The following FGF12 variants were observed in gnomAD, a reference collection of about 807,000 sequenced individuals.
FGF12 encodes the protein fibroblast growth factor 12B.
In FGF12, 14 loss-of-function variants were observed where a neutral mutation model predicts 23.6. That is an observed-to-expected ratio of 0.59 (90% confidence interval 0.39 to 0.93). FGF12 has a LOEUF of 0.93. Ranked by LOEUF, FGF12 falls within the 40% of genes least tolerant of loss-of-function variation. The probability of loss-of-function intolerance (pLI) is 0.00; values close to 1 mark genes in which losing one functional copy is unlikely to be tolerated. For synonymous variants in FGF12, 62 were observed against 77.3 expected (o/e 0.80, Z 1.04); for missense variants, 175 against 217.8 (o/e 0.80, Z 1.24).
At chr3:192,468,548 C>T (rs73070215) in intron 2 of FGF12, among the ~76,000 whole-genome samples, 11,277 of 152,172 alleles carry the variant, frequency 0.074, 1,389 homozygotes, top group African/African-American at 0.25. Context: ...GGAGGCTACG[C>T]ATTTTTTTGA....
intron 2 of FGF12, among the ~76,000 whole-genome samples, chr3:192,579,373 A>G (rs1271399043): frequency 6.6e-6 from 1 of 152,114 alleles, no homozygotes; most frequent in South Asian, 2.1e-4. Flanking sequence ...TGTGCAGACA[A>G]CTCATTCTCA....
intron 4 of FGF12, among the ~76,000 whole-genome samples, chr3:192,280,719 G>C (rs1714094341): frequency 6.6e-6 from 1 of 152,134 alleles, no homozygotes; most frequent in Admixed American, 6.6e-5. Context: ...AAGTTAATCA[G>C]TTAGTTGAAG....
intron 3 of FGF12, 31 bp from the exon 4 acceptor site, chr3:192,335,495 T>A: frequency 7.6e-7 from 1 of 1,317,098 alleles, no homozygotes; most frequent in Middle Eastern, 1.9e-4. Flanking sequence ...GCGGAAAGGA[T>A]CAGTGACCTT....
At chr3:192,264,420 G>A (rs984805415) in intron 4 of FGF12, among the ~76,000 whole-genome samples, 29 of 151,938 alleles carry the variant, frequency 1.9e-4, no homozygotes, top group African/African-American at 5.8e-4. Context: ...ATCCAAAAGC[G>A]TCTAAGCAAA....
intron 4 of FGF12, among the ~76,000 whole-genome samples, chr3:192,220,411 T>C (rs1055497112): frequency 6.6e-6 from 1 of 152,190 alleles, no homozygotes; most frequent in African/African-American, 2.4e-5. Context: ...TTTCAACTTA[T>C]GCTTTCATTC....
chr3:192,169,205 G>C (rs1715401394), intron 5 of FGF12, among the ~76,000 whole-genome samples: 1 of 152,114 alleles, frequency 6.6e-6, no homozygotes, highest in Non-Finnish European at 1.5e-5. Flanking sequence ...GCCGGGTGTG[G>C]TGGTGTGTGC....
chr3:192,380,577 T>C (rs112613124), intron 2 of FGF12, among the ~76,000 whole-genome samples: 2,899 of 152,318 alleles, frequency 0.019, 93 homozygotes, highest in African/African-American at 0.066. Context: ...GTAACAATTA[T>C]GTTATTTCAG....
In FGF12 at chr3:192,140,198, A is replaced by G. The variant is rs1165816667; in HGVS notation, c.*3811T>C. The G allele has an allele frequency of 2.0e-5, 3 of 152,112 alleles. No homozygotes were observed. The highest frequency in any genetic ancestry group is 6.5e-5 in the Admixed American group (1 of 15,272). 9.4% of individuals were successfully genotyped at this position (152,112 alleles called of 1,614,324 possible). A position where few individuals can be genotyped will look rare whatever the true frequency, so the allele number is the denominator to read the frequency against. On this transcript the variant is annotated 3_prime_UTR_variant, in exon 6 of 6. Transcript: ENST00000445105. ...TATAATATATCCTTATTTCAGAAGC[A>G]TATGTATATATACACATATATATTT...
intron 2 of FGF12, among the ~76,000 whole-genome samples, chr3:192,416,813 A>G (rs1721372191): frequency 1.3e-5 from 2 of 152,126 alleles, no homozygotes; most frequent in Non-Finnish European, 2.9e-5. Flanking sequence ...GGAGGCATTG[A>G]TGTAGATGTC....
intron 2 of FGF12, among the ~76,000 whole-genome samples, chr3:192,504,108 TGTTCTCACTTATAA>T (rs1724219169): frequency 6.6e-6 from 1 of 152,102 alleles, no homozygotes; most frequent in Non-Finnish European, 1.5e-5. Context: ...AGATACTGCA[TGTTCTCACTTATAA>T]GTGGGAGACA....
At chr3:192,400,985 C>T (rs796398983) in intron 2 of FGF12, among the ~76,000 whole-genome samples, 1 of 152,232 alleles carries the variant, frequency 6.6e-6, no homozygotes, top group African/African-American at 2.4e-5. Flanking sequence ...GTATTGAGTA[C>T]CCCGAAGAGC....
chr3:192,443,854 T>C (rs186706427), intron 2 of FGF12, among the ~76,000 whole-genome samples: 1 of 152,290 alleles, frequency 6.6e-6, no homozygotes, highest in African/African-American at 2.4e-5. Flanking sequence ...CTGTAGCTTA[T>C]GGGAACCAGG....
intron 2 of FGF12, among the ~76,000 whole-genome samples, chr3:192,448,175 C>T (rs774433651): frequency 2.8e-4 from 42 of 152,330 alleles, no homozygotes; most frequent in South Asian, 1.2e-3. Flanking sequence ...TTCTACCTTG[C>T]AGCTATTAAA....
At chr3:192,154,998 G>A (rs2108593172) in intron 5 of FGF12, among the ~76,000 whole-genome samples, 1 of 146,116 alleles carries the variant, frequency 6.8e-6, no homozygotes, top group African/African-American at 2.5e-5. Context: ...CGAGCCAGGT[G>A]TGGGATATAG....
chr3:192,243,704 T>G (rs1268881456), intron 4 of FGF12, among the ~76,000 whole-genome samples: 1 of 151,952 alleles, frequency 6.6e-6, no homozygotes, highest in African/African-American at 2.4e-5. Context: ...AAAAAAAGAT[T>G]AATAAAATGT....
intron 2 of FGF12, among the ~76,000 whole-genome samples, chr3:192,649,724 A>ATTT (rs3044628): frequency 2.0e-4 from 30 of 149,150 alleles, no homozygotes; most frequent in South Asian, 4.2e-4. Flanking sequence ...TGCCTGGCTA[A>ATTT]TTTTTTTTTT....
intron 2 of FGF12, among the ~76,000 whole-genome samples, chr3:192,361,966 T>C (rs1560085369): frequency 6.6e-6 from 1 of 152,228 alleles, no homozygotes; most frequent in Non-Finnish European, 1.5e-5. Flanking sequence ...ATATGTATTA[T>C]CTTTATGAGT....
chr3:192,327,368 C>T (rs1716872410), intron 4 of FGF12, among the ~76,000 whole-genome samples: 1 of 151,880 alleles, frequency 6.6e-6, no homozygotes, highest in South Asian at 2.1e-4. Context: ...GTCTTTATCA[C>T]TATTTCAGCT....
chr3:192,281,199 T>C (rs900706879), intron 4 of FGF12, among the ~76,000 whole-genome samples: 2 of 152,198 alleles, frequency 1.3e-5, no homozygotes, highest in African/African-American at 4.8e-5. Context: ...CAAGGCCATC[T>C]TCCCTCTGAA....
Sources: gnomAD v4.1 joint callset for allele counts (sites outside exome capture counted in the v4.1 genomes callset) on GRCh38, gnomAD v4.1.1 for gene constraint, MANE v1.5 for transcripts, NCBI Gene and HGNC (gene_info 2026-07-23, HGNC 2026-07-21) for gene names.